RGS7BP: variants seen among roughly 807,000 people sequenced by gnomAD.
RGS7BP encodes regulator of G protein signaling 7-binding protein.
RGS7BP carries 9 observed loss-of-function variants against 31.3 expected under a neutral mutation model. That is an observed-to-expected ratio of 0.29 (90% CI 0.17 to 0.50). The LOEUF is 0.50. Ranked by LOEUF, RGS7BP falls within the 20% of genes least tolerant of loss-of-function variation. The pLI is 0.98. For missense variants in RGS7BP, 274 were observed against 322.0 expected (o/e 0.85, Z 1.14); for synonymous variants, 115 against 120.1 (o/e 0.96, Z 0.28).
In RGS7BP at chr5:64,611,300, A is replaced by C. The variant is rs369032696; in HGVS notation, c.*2048A>C. On this transcript the variant is annotated 3_prime_UTR_variant, in exon 6 of 6. Transcript: ENST00000334025. ...CTCTGCCCTCTCCTATACTTCAACTATATTGAACTCTAGCTTCAATCTAGT... is the reference window on the plus strand; with the variant it reads ...CTCTGCCCTCTCCTATACTTCAACTCTATTGAACTCTAGCTTCAATCTAGT... 1.3e-5 allele frequency: 2 copies of C among 152,342 alleles called. No individual in the cohort carries two copies. Among genetic ancestry groups the C allele is most frequent in the Admixed American group, 1.3e-4 (2 of 15,220 alleles). The allele number at this position is 152,342 out of a possible 1,614,324, so 9.4% of individuals were successfully genotyped here.
Position 64,577,734 on chromosome 5 carries a change from C to G in RGS7BP, c.463+1830C>G, listed in dbSNP as rs149366669. ...CTGATGTCTTTCTCTCTCTGTCTCT[C>G]TCTGACACATACACACACACAAACA... On this transcript the variant is annotated intron_variant, in intron 3 of 5. Transcript: ENST00000334025. Among the ~76,000 whole-genome samples the G allele has an allele frequency of 3.5e-3, 536 of 152,316 alleles. 4 individuals carry two copies. The highest frequency in any genetic ancestry group is 9.1e-3 in the African/African-American group (379 of 41,566).
rs1741922690 is a variant in RGS7BP at position 64,556,377 on chromosome 5, T to C, written c.333-19397T>C. ...TTAAAGTGGAAAAATGTTTATGATA[T>C]CGTGATAAGTAAAAAAAAAAAAAAA... is the stretch of plus-strand genomic sequence containing the variant. On this transcript the variant is annotated intron_variant, in intron 2 of 5. Transcript: ENST00000334025. Among the ~76,000 whole-genome samples the C allele has an allele frequency of 3.1e-5, 4 of 130,656 alleles. No individual in the cohort carries two copies. In the South Asian group the frequency reaches 1.1e-3, roughly 35 times the overall value. The allele number at this position is 130,656 out of a possible 152,430, so 85.7% of individuals were successfully genotyped here.
chr5:64,558,192 T>TGTG (rs202201283), intron 2 of RGS7BP, among the ~76,000 whole-genome samples: 6,383 of 152,140 alleles, frequency 0.042, 423 homozygotes, highest in African/African-American at 0.14. Flanking sequence ...ATTTTTCTAG[T>TGTG]TATCCTGAAT....
chr5:64,519,948 T>G (rs1029667301), intron 2 of RGS7BP, among the ~76,000 whole-genome samples: 8 of 152,166 alleles, frequency 5.3e-5, no homozygotes, highest in Admixed American at 5.2e-4. Context: ...AGGACTGATA[T>G]CTTCATGATT....
At chr5:64,537,533 G>T (rs1297699617) in intron 2 of RGS7BP, among the ~76,000 whole-genome samples, 2 of 152,116 alleles carry the variant, frequency 1.3e-5, no homozygotes, top group African/African-American at 2.4e-5. Flanking sequence ...TACTGTACCT[G>T]CTAGGGATGT....
At chr5:64,544,382 G>A (rs1741599159) in intron 2 of RGS7BP, among the ~76,000 whole-genome samples, 1 of 151,980 alleles carries the variant, frequency 6.6e-6, no homozygotes, top group Non-Finnish European at 1.5e-5. Context: ...GAGACTTGAA[G>A]ATGTATAGGA....
intron 2 of RGS7BP, among the ~76,000 whole-genome samples, chr5:64,567,495 A>C (rs1239226001): frequency 1.3e-5 from 2 of 152,098 alleles, no homozygotes; most frequent in African/African-American, 4.8e-5. Context: ...TACAATTAAC[A>C]TTTTACGATA....
intron 2 of RGS7BP, among the ~76,000 whole-genome samples, chr5:64,515,399 C>G (rs547168460): frequency 1.3e-5 from 2 of 152,236 alleles, no homozygotes; most frequent in Admixed American, 1.3e-4. Context: ...CAGTGTGTAT[C>G]TTAGGATTAC....
At chr5:64,532,802 TCTC>T (rs1486020706) in intron 2 of RGS7BP, among the ~76,000 whole-genome samples, 2 of 152,010 alleles carry the variant, frequency 1.3e-5, no homozygotes, top group Non-Finnish European at 2.9e-5. Flanking sequence ...AGGCCATTCT[TCTC>T]TAGTGTATTT....
chr5:64,550,627 T>A (rs544033571), intron 2 of RGS7BP, among the ~76,000 whole-genome samples: 1 of 152,046 alleles, frequency 6.6e-6, no homozygotes, highest in East Asian at 1.9e-4. Context: ...ATGTGCACAA[T>A]GTGCAGGTTT....
chr5:64,597,313 T>C (rs1424562809), intron 4 of RGS7BP, among the ~76,000 whole-genome samples: 1 of 151,898 alleles, frequency 6.6e-6, no homozygotes, highest in African/African-American at 2.4e-5. Flanking sequence ...TGAGGGAAGA[T>C]ATTGGATGTA....
At chr5:64,542,060 A>G (rs1193673454) in intron 2 of RGS7BP, among the ~76,000 whole-genome samples, 1 of 152,230 alleles carries the variant, frequency 6.6e-6, no homozygotes, top group Non-Finnish European at 1.5e-5. Flanking sequence ...ATTTTTTAAA[A>G]TAATCTATCC....
chr5:64,521,246 G>GT (rs1487987054), intron 2 of RGS7BP, among the ~76,000 whole-genome samples: 2 of 152,006 alleles, frequency 1.3e-5, no homozygotes, highest in Non-Finnish European at 2.9e-5. Flanking sequence ...AACTTGATGG[G>GT]TTTTTTAAAT....
At position 64,540,386 on chromosome 5, in the gene RGS7BP, A is replaced by G. The variant is rs372565600; in HGVS notation, c.332+32509A>G. On this transcript the variant is annotated intron_variant, in intron 2 of 5. Coordinates refer to ENST00000334025, the MANE Select transcript of RGS7BP (RefSeq NM_001029875.3). ...CCATAACTTTGTTTTCTTTTTTTTA[A>G]CCAACCAAACAAGCAGCAGTGAACT... 3.3e-5 allele frequency among the ~76,000 whole-genome samples: 5 copies of G among 152,080 alleles called. No individual in the cohort carries two copies. The East Asian group carries it at 9.6e-4, about 29-fold the overall frequency.
intron 2 of RGS7BP, among the ~76,000 whole-genome samples, chr5:64,516,273 T>C (rs1202500842): frequency 1.3e-5 from 2 of 152,184 alleles, no homozygotes; most frequent in African/African-American, 2.4e-5. Context: ...GCCCTCGTAT[T>C]CTTCAGTCAC....
At position 64,612,060 on chromosome 5, in the gene RGS7BP, C is replaced by T. The variant is rs1436909477; in HGVS notation, c.*2808C>T. ...TGGCATACATTCACCCATTTTCCCACCATATCTTTACTATCCTGTGTTGAT... is the reference window on the plus strand; with the variant it reads ...TGGCATACATTCACCCATTTTCCCATCATATCTTTACTATCCTGTGTTGAT... On this transcript the variant is annotated 3_prime_UTR_variant, in exon 6 of 6. Coordinates refer to ENST00000334025, the MANE Select transcript of RGS7BP (RefSeq NM_001029875.3). The T allele has an allele frequency of 6.6e-6, 1 of 152,256 alleles. No individual in the cohort carries two copies. The highest frequency in any genetic ancestry group is 2.4e-5 in the African/African-American group (1 of 41,352). The allele number at this position is 152,256 out of a possible 1,614,324, so 9.4% of individuals were successfully genotyped here. A position where few individuals can be genotyped will look rare whatever the true frequency, so the allele number is the denominator to read the frequency against.
chr5:64,547,675 C>T (rs1040846068), intron 2 of RGS7BP, among the ~76,000 whole-genome samples: 4 of 152,054 alleles, frequency 2.6e-5, no homozygotes, highest in African/African-American at 9.7e-5. Flanking sequence ...TAGTCTCACC[C>T]GTAATTTGAA....
intron 3 of RGS7BP, among the ~76,000 whole-genome samples, chr5:64,581,235 T>G (rs1031240448): frequency 5.3e-5 from 8 of 152,214 alleles, no homozygotes; most frequent in African/African-American, 1.9e-4. Flanking sequence ...AAATAAAAAC[T>G]GCTATTTTAA....
chr5:64,544,550 T>C (rs1042502178), intron 2 of RGS7BP, among the ~76,000 whole-genome samples: 2 of 150,784 alleles, frequency 1.3e-5, no homozygotes, highest in African/African-American at 4.9e-5. Flanking sequence ...GGTGCATGCC[T>C]ATAGTCCTAG....
Sources: gnomAD v4.1 joint callset for allele counts (sites outside exome capture counted in the v4.1 genomes callset) on GRCh38, gnomAD v4.1.1 for gene constraint, MANE v1.5 for transcripts, NCBI Gene and HGNC (gene_info 2026-07-23, HGNC 2026-07-21) for gene names.